Variants in SLCO5A1 observed in about 807,000 individuals in gnomAD.
The protein encoded by SLCO5A1 is solute carrier organic anion transporter family member 5A1, also known as organic anion transporter polypeptide-related protein 4.
SLCO5A1 carries 39 observed loss-of-function variants against 65.1 expected under a neutral mutation model. The ratio of observed to expected loss-of-function variants is 0.60; its 90% CI spans 0.46 to 0.78. The LOEUF (loss-of-function observed/expected upper bound fraction) is 0.78. Among genes scored for constraint, SLCO5A1 ranks in the 30% least tolerant of loss-of-function variants. The probability of loss-of-function intolerance (pLI) is 0.00; values close to 1 mark genes in which losing one functional copy is unlikely to be tolerated. For synonymous variants in SLCO5A1, 438 were observed against 415.7 expected (o/e 1.05, Z -0.65); for missense variants, 1,029 against 1,069.4 (o/e 0.96, Z 0.53).
At chr8:69,750,199 T>G (rs763940621) in intron 4 of SLCO5A1, among the ~76,000 whole-genome samples, 12 of 152,100 alleles carry the variant, frequency 7.9e-5, no homozygotes, top group Non-Finnish European at 1.6e-4. Context: ...GAGCAAAGGA[T>G]TGGCATTTTA....
At chr8:69,775,618 A>T (rs1043847682) in intron 2 of SLCO5A1, among the ~76,000 whole-genome samples, 1 of 152,224 alleles carries the variant, frequency 6.6e-6, no homozygotes, top group African/African-American at 2.4e-5. Flanking sequence ...TTTCATAAAA[A>T]GTTAAGGATG....
chr8:69,725,223 T>C (rs538947022), intron 5 of SLCO5A1, among the ~76,000 whole-genome samples: 2 of 152,128 alleles, frequency 1.3e-5, no homozygotes, highest in Non-Finnish European at 2.9e-5. Context: ...GAACTTCCGA[T>C]GCCAAAACCC....
rs549592122 is a variant in SLCO5A1, at chr8:69,770,937, T to A, written c.908-9062A>T. 6.6e-5 allele frequency among the ~76,000 whole-genome samples: 10 copies of A among 152,330 alleles called. No homozygotes were observed. The South Asian group carries it at 2.1e-3, about 32-fold the overall frequency. ...CACATTTTTAACTTTCTCCTGCAGATTTAACCTTTATTATACTCTAATCTC... is the reference window on the plus strand; with the variant it reads ...CACATTTTTAACTTTCTCCTGCAGAATTAACCTTTATTATACTCTAATCTC... On this transcript the variant is annotated intron_variant, in intron 2 of 9. Coordinates refer to ENST00000260126, the MANE Select transcript of SLCO5A1 (RefSeq NM_030958.3).
chr8:69,796,770 G>A (rs1436080540), intron 2 of SLCO5A1, among the ~76,000 whole-genome samples: 1 of 151,636 alleles, frequency 6.6e-6, no homozygotes, highest in African/African-American at 2.4e-5. Flanking sequence ...AAGCAGCCAG[G>A]CCATATCTTG....
At chr8:69,712,245 A>G (rs1325431031) in intron 5 of SLCO5A1, among the ~76,000 whole-genome samples, 2 of 152,190 alleles carry the variant, frequency 1.3e-5, no homozygotes, top group African/African-American at 4.8e-5. Flanking sequence ...ATCCAAGCAA[A>G]TAGACATTAA....
At chr8:69,725,746 A>T (rs1430202662) in intron 5 of SLCO5A1, among the ~76,000 whole-genome samples, 1 of 152,160 alleles carries the variant, frequency 6.6e-6, no homozygotes, top group Admixed American at 6.5e-5. Flanking sequence ...CATCAAATCT[A>T]TTGGGCATAT....
chr8:69,764,183 T>C lies in SLCO5A1; in HGVS notation c.908-2308A>G, dbSNP rs529302229. Among the ~76,000 whole-genome samples the C allele has an allele frequency of 1.6e-4, 25 of 152,326 alleles. No individual in the cohort carries two copies. The South Asian group carries it at 3.5e-3, about 21-fold the overall frequency. On this transcript the variant is annotated intron_variant, in intron 2 of 9. Coordinates refer to ENST00000260126, the MANE Select transcript of SLCO5A1 (RefSeq NM_030958.3). ...CAGCCAATAAACACTTTTATGGCAC[T>C]GTTGTGTACAAGGCCTGGTAACAAA...
chr8:69,795,884 T>G (rs1281395713), intron 2 of SLCO5A1, among the ~76,000 whole-genome samples: 1 of 152,244 alleles, frequency 6.6e-6, no homozygotes, highest in African/African-American at 2.4e-5. Context: ...CCTCAGCTCT[T>G]GTGCTCTGTG....
At chr8:69,779,175 A>G (rs567980479) in intron 2 of SLCO5A1, among the ~76,000 whole-genome samples, 1 of 152,254 alleles carries the variant, frequency 6.6e-6, no homozygotes, top group East Asian at 1.9e-4. Context: ...TTTATTAAGC[A>G]TTTACTGTGT....
intron 5 of SLCO5A1, among the ~76,000 whole-genome samples, chr8:69,712,960 A>T (rs1282788106): frequency 6.6e-6 from 1 of 152,240 alleles, no homozygotes; most frequent in Non-Finnish European, 1.5e-5. Flanking sequence ...GGTTAAAATA[A>T]ATTGCTAAAA....
intron 6 of SLCO5A1, among the ~76,000 whole-genome samples, chr8:69,698,750 C>A (rs570141171): frequency 6.6e-6 from 1 of 152,320 alleles, no homozygotes; most frequent in African/African-American, 2.4e-5. Context: ...ACTATCACTT[C>A]AATGTGAAAG....
chr8:69,707,518 G>A (rs998249487), intron 5 of SLCO5A1, among the ~76,000 whole-genome samples: 5 of 152,212 alleles, frequency 3.3e-5, no homozygotes, highest in Non-Finnish European at 7.3e-5. Context: ...ACCTGGAGAA[G>A]AGAGGTAGGG....
intron 2 of SLCO5A1, among the ~76,000 whole-genome samples, chr8:69,810,025 C>T (rs1820151919): frequency 6.6e-6 from 1 of 152,186 alleles, no homozygotes; most frequent in African/African-American, 2.4e-5. Context: ...AAGATAACCC[C>T]CACTGAGAAT....
In SLCO5A1 at chr8:69,831,974, C is replaced by T. The variant is rs1821171454; in HGVS notation, c.700G>A (p.Asp234Asn). The T allele has an allele frequency of 1.3e-6, 2 of 1,591,996 alleles. No homozygotes were observed. The highest frequency in any genetic ancestry group is 1.3e-5 in the African/African-American group (1 of 74,166). Residue 234 changes from aspartate to asparagine, a missense_variant, in exon 2 of 10, where the codon GAC becomes AAC. This residue lies in a region of SLCO5A1 where 647 missense variants were observed against 647.5 expected (regional missense o/e 1.00). Transcript: ENST00000260126. Reference sequence around the variant, plus strand: ...GAGTTGCCACCCTGACACAGGCCGTCGTTGGGGGCCGAGGCGTTCAACTCT... The same window carrying T: ...GAGTTGCCACCCTGACACAGGCCGTTGTTGGGGGCCGAGGCGTTCAACTCT... ...IQELNASAPN[D>N]GLCQGGNSTA...
intron 6 of SLCO5A1, among the ~76,000 whole-genome samples, chr8:69,703,135 AAAAAG>A (rs533441740): frequency 3.3e-5 from 5 of 152,006 alleles, no homozygotes; most frequent in African/African-American, 1.2e-4. Context: ...GAAAAAAGAA[AAAAAG>A]AAAAGAAAAA....
chr8:69,823,869 G>C (rs1176228920), intron 2 of SLCO5A1, among the ~76,000 whole-genome samples: 4 of 152,192 alleles, frequency 2.6e-5, no homozygotes, highest in African/African-American at 9.6e-5. Flanking sequence ...TAACCACATA[G>C]TTGGAAGTAA....
intron 2 of SLCO5A1, 56 bp from the exon 3 acceptor site, chr8:69,761,931 A>T: frequency 1.9e-6 from 3 of 1,591,292 alleles, no homozygotes; most frequent in Non-Finnish European, 2.6e-6. Flanking sequence ...ACATGTTAGG[A>T]GTTCTCTCAT....
At chr8:69,685,333 C>T (rs1217599106) in intron 6 of SLCO5A1, among the ~76,000 whole-genome samples, 1 of 152,198 alleles carries the variant, frequency 6.6e-6, no homozygotes, top group Non-Finnish European at 1.5e-5. Context: ...ACTAAGCAAT[C>T]TCTCATTAGC....
chr8:69,801,464 A>T (rs1819734169), intron 2 of SLCO5A1, among the ~76,000 whole-genome samples: 1 of 152,272 alleles, frequency 6.6e-6, no homozygotes, highest in African/African-American at 2.4e-5. Context: ...GTTTGTATTC[A>T]AATCAACTAT....
Sources: gnomAD v4.1 joint callset for allele counts (sites outside exome capture counted in the v4.1 genomes callset) on GRCh38, gnomAD v4.1.1 for gene constraint, gnomAD v4.1.1 regional missense constraint, MANE v1.5 for transcripts, NCBI Gene and HGNC (gene_info 2026-07-23, HGNC 2026-07-21) for gene names.